The following TBC1D31 variants were observed in gnomAD, a reference collection of about 807,000 sequenced individuals.
TBC1D31 encodes WD repeat domain 67.
In TBC1D31, 99 loss-of-function variants were observed where a neutral mutation model predicts 132.9. The observed-to-expected ratio is 0.74, with a 90% CI of 0.63 to 0.88. The LOEUF is 0.88. TBC1D31 is among the 40% of genes least tolerant of loss of function. The pLI is 0.00. For missense variants in TBC1D31, 1,134 were observed against 1,256.6 expected (o/e 0.90, Z 1.48); for synonymous variants, 385 against 419.4 (o/e 0.92, Z 1.00).
Position 123,093,750 on chromosome 8 carries a change from G to C in TBC1D31, c.671+8G>C. On this transcript the variant is annotated splice_region_variant and intron_variant, in intron 5 of 21. Coordinates refer to ENST00000287380, the MANE Select transcript of TBC1D31 (RefSeq NM_145647.4). ...AGTGTTTGCTGTAACCAGGTAATGT[G>C]CATTTTAAGACACTAGGAATATTTA... 2 of 1,540,744 alleles carry C rather than the reference G, an allele frequency of 1.3e-6. No individual in the cohort carries two copies. The highest frequency in any genetic ancestry group is 1.8e-6 in the Non-Finnish European group (2 of 1,134,950).
intron 19 of TBC1D31, 126 bp downstream of exon 19, chr8:123,142,582 C>A: frequency 1.5e-6 from 1 of 672,010 alleles, no homozygotes; most frequent in Non-Finnish European, 2.3e-6. Context: ...AATCTGCCTG[C>A]ATCAGCCTCC....
chr8:123,153,956 A>G (rs1019045830), downstream of TBC1D31, among the ~76,000 whole-genome samples: 1 of 152,244 alleles, frequency 6.6e-6, no homozygotes, highest in Non-Finnish European at 1.5e-5. Flanking sequence ...TTATTTTCCA[A>G]TATGAATTCA....
chr8:123,123,403 CT>C, intron 11 of TBC1D31: 2 of 181,156 alleles, frequency 1.1e-5, no homozygotes, highest in Non-Finnish European at 1.2e-5. Flanking sequence ...CTCCTTTGGC[CT>C]TTTTCTTGTT....
Position 123,082,742 on chromosome 8 carries a change from C to G in TBC1D31, c.265C>G (p.Leu89Val), listed in dbSNP as rs760309449. ...VQRTAQACTA[L>V]AFNLRRKSEF... ...GCGAACAGCACAAGCTTGCACAGCT[C>G]TGGCCTTTAATCTTCGTAGGAAATC... is the stretch of plus-strand genomic sequence containing the variant. Residue 89 changes from leucine (L) to valine (V), a missense_variant, in exon 3 of 22, where the codon CTG becomes GTG. By Grantham distance (32) the Leu-to-Val change is conservative. Coordinates refer to ENST00000287380, the MANE Select transcript of TBC1D31 (RefSeq NM_145647.4). 1.2e-6 allele frequency: 2 copies of G among 1,613,206 alleles called. No homozygotes were observed. Among genetic ancestry groups the G allele is most frequent in the Non-Finnish European group, 1.7e-6 (2 of 1,180,010 alleles).
chr8:123,156,953 T>TC (rs1288069529), downstream of TBC1D31, among the ~76,000 whole-genome samples: 5 of 150,070 alleles, frequency 3.3e-5, no homozygotes, highest in Admixed American at 2.7e-4. Flanking sequence ...CACCCCCTCC[T>TC]CCCCCCCGCG....
At position 123,082,790 on chromosome 8, in the gene TBC1D31, GA is replaced by G; in HGVS notation, c.314del (p.Asp105ValfsTer14). On this transcript the variant is annotated frameshift_variant, in exon 3 of 22. Transcript: ENST00000287380. LOFTEE classifies it high-confidence loss of function. ...ATCTGAATTCCTTGTGGCATTAGCT[GA>G]TTATTCTATTAAATGTTTTGATACA... ...RKSEFLVALA[D>X]YSIKCFDTVT... The G allele has an allele frequency of 6.2e-7, 1 of 1,612,450 alleles. No homozygotes were observed. Among genetic ancestry groups the G allele is most frequent in the Non-Finnish European group, 8.5e-7 (1 of 1,179,180 alleles).
At chr8:123,115,193 C>G (rs1269171087) in intron 10 of TBC1D31, among the ~76,000 whole-genome samples, 2 of 152,180 alleles carry the variant, frequency 1.3e-5, no homozygotes, top group Non-Finnish European at 2.9e-5. Flanking sequence ...TGTGTTTTCA[C>G]CGACACTGGA....
chr8:123,120,819 A>T (rs1458787006), intron 11 of TBC1D31, among the ~76,000 whole-genome samples: 3 of 151,902 alleles, frequency 2.0e-5, no homozygotes, highest in Admixed American at 1.3e-4. Context: ...TTTTGTTGTT[A>T]TACTACTTTT....
chr8:123,150,781 T>G (rs919952844), intron 21 of TBC1D31, among the ~76,000 whole-genome samples: 1 of 152,208 alleles, frequency 6.6e-6, no homozygotes, highest in Non-Finnish European at 1.5e-5. Context: ...ATCTTCCCAG[T>G]AAAGTATATT....
intron 10 of TBC1D31, among the ~76,000 whole-genome samples, chr8:123,119,042 A>G (rs1819224520): frequency 6.6e-6 from 1 of 152,326 alleles, no homozygotes; most frequent in Non-Finnish European, 1.5e-5. Flanking sequence ...TGGTTCTTAA[A>G]CATGAAAAGA....
chr8:123,129,854 T>C (rs1820436150), intron 15 of TBC1D31, among the ~76,000 whole-genome samples: 2 of 152,174 alleles, frequency 1.3e-5, no homozygotes, highest in Admixed American at 1.3e-4. Flanking sequence ...AGGTAAAATG[T>C]GTAAATTAAG....
intron 2 of TBC1D31, 186 bp from the exon 3 acceptor site, chr8:123,082,516 G>T: frequency 1.8e-6 from 1 of 553,770 alleles, no homozygotes; most frequent in Non-Finnish European, 3.2e-6. Flanking sequence ...ACTTACAGTG[G>T]TTTCCTATTC....
At chr8:123,164,215 G>A in the TBC1D31 span, among the ~76,000 whole-genome samples, 1 of 152,190 alleles carries the variant, frequency 6.6e-6, no homozygotes. Flanking sequence ...CATTCACTAA[G>A]GTATATTCTT....
intron 12 of TBC1D31, 61 bp from the exon 13 acceptor site, chr8:123,126,447 C>T: frequency 6.9e-7 from 1 of 1,446,282 alleles, no homozygotes; most frequent in Non-Finnish European, 9.5e-7. Context: ...GGGAATATTA[C>T]CAATGACTCC....
chr8:123,164,705 G>C, the TBC1D31 span, among the ~76,000 whole-genome samples: 1 of 140,358 alleles, frequency 7.1e-6, no homozygotes, highest in Admixed American at 7.3e-5. Context: ...CTGGGCAACA[G>C]AGCGAGACTC....
intron 11 of TBC1D31, among the ~76,000 whole-genome samples, chr8:123,124,599 A>G (rs1819847885): frequency 6.6e-6 from 1 of 152,158 alleles, no homozygotes; most frequent in South Asian, 2.1e-4. Context: ...AGACATAACA[A>G]GTACTCAGGT....
intron 7 of TBC1D31, among the ~76,000 whole-genome samples, chr8:123,104,695 G>C (rs1458382430): frequency 6.6e-6 from 1 of 152,076 alleles, no homozygotes; most frequent in Non-Finnish European, 1.5e-5. Context: ...TTCCGTGTTT[G>C]ATGGGCCCCA....
At chr8:123,156,956 C>T (rs1335226367), downstream of TBC1D31, among the ~76,000 whole-genome samples, 1 of 152,216 alleles carries the variant, frequency 6.6e-6, no homozygotes, top group Non-Finnish European at 1.5e-5. Context: ...CCCCTCCTCC[C>T]CCCCGCGACG....
chr8:123,162,921 C>T, the TBC1D31 span, among the ~76,000 whole-genome samples: 2 of 152,094 alleles, frequency 1.3e-5, no homozygotes, highest in Admixed American at 6.5e-5. Context: ...CAACTTCCGC[C>T]TCCCAGATTC....
Sources: allele counts gnomAD v4.1 joint callset (sites outside exome capture counted in the v4.1 genomes callset), GRCh38; gene constraint gnomAD v4.1.1; transcripts MANE v1.5; gene names NCBI Gene and HGNC (gene_info 2026-07-23, HGNC 2026-07-21).